The following CRACR2A variants were observed in gnomAD, a reference collection of about 807,000 sequenced individuals.
CRACR2A encodes the protein EF-hand calcium-binding domain-containing protein 4B.
Under a neutral mutation model 90.5 loss-of-function variants are expected in CRACR2A, and 79 were observed. The ratio of observed to expected loss-of-function variants is 0.87; its 90% CI spans 0.73 to 1.05. The LOEUF is 1.05. Ranked by LOEUF, CRACR2A falls within the 50% of genes least tolerant of loss-of-function variation. The probability of loss-of-function intolerance (pLI) is 0.00; values close to 1 mark genes in which losing one functional copy is unlikely to be tolerated. For synonymous variants in CRACR2A, 338 were observed against 356.7 expected, an observed-to-expected ratio of 0.95 and a Z score of 0.59; for missense variants, 823 against 897.2, an observed-to-expected ratio of 0.92 and a Z score of 1.06.
At chr12:3,690,680 T>C (rs895582173) in intron 4 of CRACR2A, among the ~76,000 whole-genome samples, 10 of 152,218 alleles carry the variant, frequency 6.6e-5, no homozygotes, top group African/African-American at 2.4e-4. Flanking sequence ...CAGGTCCATT[T>C]GGTCCATTGC....
rs1944408981 is a variant in CRACR2A at position 3,633,478 on chromosome 12, T to C, written c.1735+126A>G. 7.7e-7 allele frequency: 1 copy of C among 1,292,094 alleles called. No homozygotes were observed. The highest frequency in any genetic ancestry group is 1.1e-6 in the Non-Finnish European group (1 of 941,132). 80.0% of individuals were successfully genotyped at this position (1,292,094 alleles called of 1,614,324 possible). A position where few individuals can be genotyped will look rare whatever the true frequency, so the allele number is the denominator to read the frequency against. On this transcript the variant is annotated intron_variant, in intron 15 of 19. Coordinates refer to ENST00000440314, the MANE Select transcript of CRACR2A (RefSeq NM_001144958.2). The surrounding 1 kb of genome is among the most constrained non-coding windows in gnomAD (Gnocchi z 4.5). The stretch of plus-strand genomic sequence containing the variant: ...GTCTGTTGAACAGAGCAGACACCAG[T>C]ATCCCTACTGGCCAATCCCCATGGC...
intron 2 of CRACR2A, among the ~76,000 whole-genome samples, chr12:3,718,927 C>G: frequency 6.6e-6 from 1 of 152,124 alleles, no homozygotes; most frequent in East Asian, 1.9e-4. Context: ...CTTGAGCAGA[C>G]AGGAACAACT....
intron 13 of CRACR2A, among the ~76,000 whole-genome samples, chr12:3,639,991 C>T (rs145084531): frequency 2.1e-4 from 32 of 152,286 alleles, no homozygotes; most frequent in Admixed American, 2.0e-4. Flanking sequence ...TGAGCAACTA[C>T]GCATACACAC....
intron 4 of CRACR2A, among the ~76,000 whole-genome samples, chr12:3,685,289 T>C (rs1297632191): frequency 2.0e-5 from 3 of 152,222 alleles, no homozygotes; most frequent in Non-Finnish European, 4.4e-5. Flanking sequence ...AAAATTACAA[T>C]GTGATGGTGC....
At chr12:3,655,850 G>A (rs1944894462) in intron 9 of CRACR2A, among the ~76,000 whole-genome samples, 1 of 152,202 alleles carries the variant, frequency 6.6e-6, no homozygotes. Context: ...CACACAGCCA[G>A]GGAAGAGACA....
chr12:3,668,404 C>T (rs182020874), intron 7 of CRACR2A, among the ~76,000 whole-genome samples: 29 of 152,266 alleles, frequency 1.9e-4, no homozygotes, highest in Admixed American at 1.3e-3. Context: ...TTCCCTGAGA[C>T]GCACCGATTT....
chr12:3,698,909 C>T (rs767957434), intron 3 of CRACR2A, among the ~76,000 whole-genome samples: 2 of 152,236 alleles, frequency 1.3e-5, no homozygotes, highest in South Asian at 2.1e-4. Context: ...GGTACCTTGC[C>T]GGGACTCTGT....
At chr12:3,688,137 T>A (rs1002932361) in intron 4 of CRACR2A, among the ~76,000 whole-genome samples, 28 of 152,214 alleles carry the variant, frequency 1.8e-4, no homozygotes, top group African/African-American at 6.5e-4. Flanking sequence ...ATTCTGTAGG[T>A]TGTCTGTTTA....
chr12:3,725,537 C>T (rs1470870119), intron 2 of CRACR2A, among the ~76,000 whole-genome samples: 2 of 152,182 alleles, frequency 1.3e-5, no homozygotes, highest in African/African-American at 4.8e-5. Context: ...AAAGATCCCT[C>T]ACTTCATTAC....
chr12:3,627,628 T>C lies in CRACR2A; in HGVS notation c.1814A>G (p.Glu605Gly). 6.4e-7 allele frequency: 1 copy of C among 1,551,680 alleles called. No individual in the cohort carries two copies. Among genetic ancestry groups the C allele is most frequent in the African/African-American group, 1.4e-5 (1 of 73,178 alleles). Residue 605 changes from glutamate (E) to glycine (G), a missense_variant, in exon 16 of 20, where the codon GAG becomes GGG. Glu to Gly is a moderately conservative substitution (Grantham distance 98). Transcript: ENST00000440314. ...ALQLWDTAGQ[E>G]RYRCITQQFF... ...AGAACTTCGGGCAGCTCCTCACCTCTCCTGCCCAGCCGTGTCCCACAGCTG... is the reference window on the plus strand; with the variant it reads ...AGAACTTCGGGCAGCTCCTCACCTCCCCTGCCCAGCCGTGTCCCACAGCTG...
intron 12 of CRACR2A, among the ~76,000 whole-genome samples, chr12:3,643,273 T>C (rs913336371): frequency 1.3e-5 from 2 of 152,190 alleles, no homozygotes; most frequent in African/African-American, 4.8e-5. Context: ...TTTGCAATTA[T>C]AAAGCAGGTC....
At chr12:3,720,464 A>AAAGCAAGCAAGCAAGCAAGCAAGC (rs1236159224) in intron 2 of CRACR2A, among the ~76,000 whole-genome samples, 1 of 150,792 alleles carries the variant, frequency 6.6e-6, no homozygotes, top group Admixed American at 6.6e-5. Flanking sequence ...AGAAAGAAAG[A>AAAGCAAGCAAGCAAGCAAGCAAGC]AAGCAAAAGA....
At chr12:3,701,245 T>C (rs751295102) in intron 3 of CRACR2A, among the ~76,000 whole-genome samples, 2 of 151,820 alleles carry the variant, frequency 1.3e-5, no homozygotes, top group Non-Finnish European at 2.9e-5. Flanking sequence ...GCTAATCATA[T>C]ATACTTGGAA....
intron 2 of CRACR2A, among the ~76,000 whole-genome samples, chr12:3,717,329 G>C (rs1401514147): frequency 6.6e-6 from 1 of 152,154 alleles, no homozygotes; most frequent in African/African-American, 2.4e-5. Context: ...GAAGAGCCAG[G>C]AGTGCTGCTG....
At chr12:3,624,662 G>A (rs1944221800) in intron 17 of CRACR2A, among the ~76,000 whole-genome samples, 1 of 152,208 alleles carries the variant, frequency 6.6e-6, no homozygotes, top group Non-Finnish European at 1.5e-5. Flanking sequence ...TGCCGCAGAT[G>A]TGTAGTAAAA....
chr12:3,627,810 G>A (rs1944294762), intron 15 of CRACR2A, 104 bp from the exon 16 acceptor site: 1 of 1,199,496 alleles, frequency 8.3e-7, no homozygotes, highest in Non-Finnish European at 1.2e-6. Context: ...TCAGGCCCAA[G>A]GTGACAACCC....
chr12:3,629,416 T>C (rs1459352219), intron 15 of CRACR2A, among the ~76,000 whole-genome samples: 1 of 152,140 alleles, frequency 6.6e-6, no homozygotes, highest in African/African-American at 2.4e-5. Flanking sequence ...TGGCTAGAAG[T>C]GGAGGGGCTG....
chr12:3,678,809 G>A, intron 6 of CRACR2A, 106 bp downstream of exon 6: 1 of 1,277,344 alleles, frequency 7.8e-7, no homozygotes. Flanking sequence ...GCATTCCAGT[G>A]CAGGGACCAG....
At chr12:3,697,168 T>C (rs1945755666) in intron 3 of CRACR2A, 133 bp from the exon 4 acceptor site, 1 of 1,119,028 alleles carries the variant, frequency 8.9e-7, no homozygotes, top group African/African-American at 1.6e-5. Flanking sequence ...AACTACCTCT[T>C]AATTAGCAAA....
Sources: allele counts gnomAD v4.1 joint callset (sites outside exome capture counted in the v4.1 genomes callset), GRCh38; gene constraint gnomAD v4.1.1; non-coding constraint Gnocchi (gnomAD v3.1); transcripts MANE v1.5; gene names NCBI Gene and HGNC (gene_info 2026-07-23, HGNC 2026-07-21).